The following PTPRT variants were observed in gnomAD, a reference collection of about 807,000 sequenced individuals.
PTPRT encodes receptor-type tyrosine-protein phosphatase T.
Under a neutral mutation model 176.8 loss-of-function variants are expected in PTPRT, and 56 were observed. The ratio of observed to expected loss-of-function variants is 0.32; its 90% confidence interval spans 0.26 to 0.40. PTPRT has a LOEUF of 0.40. Among genes scored for constraint, PTPRT ranks in the 10% least tolerant of loss-of-function variants. The probability of loss-of-function intolerance (pLI) is 1.00; values close to 1 mark genes in which losing one functional copy is unlikely to be tolerated. For missense variants in PTPRT, 1,540 were observed against 1,908.2 expected, an observed-to-expected ratio of 0.81 and a Z score of 3.60; for synonymous variants, 783 against 739.0, an observed-to-expected ratio of 1.06 and a Z score of -0.96.
intron 7 of PTPRT, among the ~76,000 whole-genome samples, chr20:42,572,316 C>T (rs1406704999): frequency 1.3e-5 from 2 of 152,176 alleles, no homozygotes; most frequent in Non-Finnish European, 2.9e-5. Context: ...ATAGCACATC[C>T]TTCATTGTTT....
At chr20:42,471,210 T>G (rs1279974177) in intron 8 of PTPRT, among the ~76,000 whole-genome samples, 2 of 152,222 alleles carry the variant, frequency 1.3e-5, no homozygotes, top group East Asian at 3.9e-4. Context: ...ATTCAACATG[T>G]TTAAACAATG....
At chr20:42,781,132 GGTAGCCTGGA>G (rs1448400695) in intron 3 of PTPRT, among the ~76,000 whole-genome samples, 1 of 151,760 alleles carries the variant, frequency 6.6e-6, no homozygotes, top group African/African-American at 2.4e-5. Context: ...AGGCTCACGT[GGTAGCCTGGA>G]CCTCTGCTTT....
At chr20:42,634,063 TAATATA>T (rs2074529368) in intron 7 of PTPRT, among the ~76,000 whole-genome samples, 12 of 43,806 alleles carry the variant, frequency 2.7e-4, no homozygotes, top group Non-Finnish European at 4.1e-4. Flanking sequence ...TATAAATATA[TAATATA>T]TATATAATAT....
At chr20:42,634,048 TATATTATA>T (rs529120022) in intron 7 of PTPRT, among the ~76,000 whole-genome samples, 8 of 31,238 alleles carry the variant, frequency 2.6e-4, no homozygotes, top group African/African-American at 1.5e-3. Flanking sequence ...ATATTATATA[TATATTATA>T]AATATATAAT....
chr20:42,680,301 G>T (rs1198136326), intron 6 of PTPRT, among the ~76,000 whole-genome samples: 3 of 152,178 alleles, frequency 2.0e-5, no homozygotes, highest in Non-Finnish European at 4.4e-5. Flanking sequence ...CTGCCATTTG[G>T]TCAGAGAAGG....
chr20:42,676,817 T>A (rs2075512882), intron 7 of PTPRT, among the ~76,000 whole-genome samples: 1 of 152,232 alleles, frequency 6.6e-6, no homozygotes, highest in South Asian at 2.1e-4. Context: ...TTGAGTTGCA[T>A]CCAGAGCCAG....
intron 2 of PTPRT, among the ~76,000 whole-genome samples, chr20:42,884,200 G>A (rs998909500): frequency 1.3e-5 from 2 of 152,078 alleles, no homozygotes; most frequent in African/African-American, 4.8e-5. Context: ...TTGCTAATAG[G>A]CATGCACACC....
At chr20:42,879,760 C>CGT (rs1320637989) in intron 2 of PTPRT, among the ~76,000 whole-genome samples, 62 of 149,810 alleles carry the variant, frequency 4.1e-4, no homozygotes, top group African/African-American at 1.3e-3. Flanking sequence ...TGTGTGTGCG[C>CGT]GTGTGTGTGT....
At chr20:42,851,499 G>A (rs1253487357) in intron 2 of PTPRT, among the ~76,000 whole-genome samples, 1 of 151,980 alleles carries the variant, frequency 6.6e-6, no homozygotes, top group Non-Finnish European at 1.5e-5. Flanking sequence ...CCTACCTGGG[G>A]TATTCCTTTT....
At chr20:42,761,230 T>C (rs1288679473) in intron 5 of PTPRT, among the ~76,000 whole-genome samples, 8 of 151,020 alleles carry the variant, frequency 5.3e-5, no homozygotes, top group Middle Eastern at 3.4e-3. Flanking sequence ...AGGTAGGGAG[T>C]TCAAGACCAG....
chr20:43,065,967 T>C (rs2146261142), intron 1 of PTPRT, among the ~76,000 whole-genome samples: 1 of 152,290 alleles, frequency 6.6e-6, no homozygotes. Context: ...TCCCTGACTC[T>C]ATCACTCCCA....
At chr20:42,158,076 C>T (rs956560924) in intron 17 of PTPRT, among the ~76,000 whole-genome samples, 5 of 152,210 alleles carry the variant, frequency 3.3e-5, no homozygotes, top group Non-Finnish European at 7.3e-5. Flanking sequence ...CAGGTTGTCC[C>T]TGTTGTACCC....
chr20:42,205,833 T>A (rs542966149), intron 15 of PTPRT, among the ~76,000 whole-genome samples: 19 of 152,090 alleles, frequency 1.2e-4, no homozygotes, highest in African/African-American at 4.6e-4. Context: ...AAAAAAAAAA[T>A]TCACAAGTGA....
chr20:42,922,147 G>A (rs1048595687), intron 1 of PTPRT, among the ~76,000 whole-genome samples: 1 of 152,100 alleles, frequency 6.6e-6, no homozygotes, highest in African/African-American at 2.4e-5. Flanking sequence ...TATTGGCCAG[G>A]CTGATCTCAA....
chr20:42,883,828 A>ACCCATACACATGCACACC (rs2079056888), intron 2 of PTPRT, among the ~76,000 whole-genome samples: 45 of 105,712 alleles, frequency 4.3e-4, no homozygotes, highest in South Asian at 6.9e-4. Flanking sequence ...ATGCACACAC[A>ACCCATACACATGCACACC]CACACCCCCA....
chr20:42,661,248 C>T (rs2075218434), intron 7 of PTPRT, among the ~76,000 whole-genome samples: 1 of 151,998 alleles, frequency 6.6e-6, no homozygotes, highest in African/African-American at 2.4e-5. Flanking sequence ...ATGTAAAGGG[C>T]AATGATGAGT....
intron 11 of PTPRT, among the ~76,000 whole-genome samples, chr20:42,347,524 G>C (rs2058212430): frequency 6.6e-6 from 1 of 152,144 alleles, no homozygotes; most frequent in Non-Finnish European, 1.5e-5. Context: ...AGAAACATAA[G>C]CCGAGCACAC....
intron 9 of PTPRT, among the ~76,000 whole-genome samples, chr20:42,374,383 G>A (rs1220951667): frequency 2.3e-4 from 35 of 152,126 alleles, no homozygotes; most frequent in African/African-American, 2.4e-5. Context: ...TTTGATCTCT[G>A]GTCTGGACTT....
At chr20:42,336,680 A>G (rs765891039) in intron 11 of PTPRT, among the ~76,000 whole-genome samples, 1 of 152,100 alleles carries the variant, frequency 6.6e-6, no homozygotes, top group South Asian at 2.1e-4. Context: ...AACATGAATA[A>G]ATTTGTGATT....
Sources: allele counts gnomAD v4.1 joint callset (sites outside exome capture counted in the v4.1 genomes callset), GRCh38; gene constraint gnomAD v4.1.1; transcripts MANE v1.5; gene names NCBI Gene and HGNC (gene_info 2026-07-23, HGNC 2026-07-21).